The following CRACR2A variants were observed in gnomAD, a reference collection of about 807,000 sequenced individuals.
CRACR2A encodes EF-hand calcium-binding domain-containing protein 4B.
Under a neutral mutation model 90.5 loss-of-function variants are expected in CRACR2A, and 79 were observed. That is an observed-to-expected ratio of 0.87 (90% confidence interval 0.73 to 1.05). The LOEUF (loss-of-function observed/expected upper bound fraction) is 1.05, where lower values mean the gene tolerates loss of function less well. CRACR2A is among the 50% of genes least tolerant of loss of function. The pLI, the probability that CRACR2A is intolerant of heterozygous loss-of-function variation, is 0.00. For synonymous variants in CRACR2A, 338 were observed against 356.7 expected (o/e 0.95, Z 0.59); for missense variants, 823 against 897.2 (o/e 0.92, Z 1.06).
At chr12:3,735,917 C>T (rs1946443142) in intron 1 of CRACR2A, among the ~76,000 whole-genome samples, 1 of 152,122 alleles carries the variant, frequency 6.6e-6, no homozygotes, top group African/African-American at 2.4e-5. Context: ...ACACTATAAG[C>T]CTGTACTGAG....
At chr12:3,619,931 A>T (rs1944101417) in intron 17 of CRACR2A, among the ~76,000 whole-genome samples, 1 of 152,204 alleles carries the variant, frequency 6.6e-6, no homozygotes. Context: ...GGCTCCATAA[A>T]TGACTGCCAT....
At chr12:3,678,809 G>T in intron 6 of CRACR2A, 106 bp downstream of exon 6, 1 of 1,277,338 alleles carries the variant, frequency 7.8e-7, no homozygotes, top group Non-Finnish European at 1.1e-6. Context: ...GCATTCCAGT[G>T]CAGGGACCAG....
intron 1 of CRACR2A, among the ~76,000 whole-genome samples, chr12:3,749,795 TTGTGTGTGTG>T (rs200387314): frequency 0.036 from 5,192 of 144,624 alleles, 143 homozygotes; most frequent in African/African-American, 0.065. Flanking sequence ...TGCTGTTTCT[TTGTGTGTGTG>T]TGTGTGTGTG....
At chr12:3,690,110 C>T (rs532069201) in intron 4 of CRACR2A, among the ~76,000 whole-genome samples, 158 of 151,526 alleles carry the variant, frequency 1.0e-3, no homozygotes, top group African/African-American at 3.7e-3. Flanking sequence ...AAGAAAAAAC[C>T]TCCTGGATTC....
chr12:3,696,797 C>T lies in CRACR2A; in HGVS notation c.203G>A (p.Gly68Asp), dbSNP rs1458459244. The change falls in exon 4 of 20, where the codon GGC (glycine) becomes GAC (aspartate). Residue 68 changes from glycine to aspartate, a missense_variant. Coordinates refer to ENST00000440314, the MANE Select transcript of CRACR2A (RefSeq NM_001144958.2). ...FFQTCDAEGKGFIARKDMQRL... is the reference protein window; with the variant it reads ...FFQTCDAEGKDFIARKDMQRL... ...CTGCATATCCTTCCTGGCGATGAAG[C>T]CCTTGCCTTCAGCATCACAGGTCTG... 1.9e-6 allele frequency: 3 copies of T among 1,614,174 alleles called. No homozygotes were observed. The highest frequency in any genetic ancestry group is 1.1e-5 in the South Asian group (1 of 91,082).
rs752111531 is a variant in CRACR2A at position 3,659,553 on chromosome 12, C to T, written c.762+11G>A. The T allele has an allele frequency of 1.2e-5, 19 of 1,613,098 alleles. No homozygotes were observed. The highest frequency in any genetic ancestry group is 8.3e-5 in the Admixed American group (5 of 59,994). ...TGGCCTCAGAGCCAAGCCTGGGGAGCGTACACTTACCTTCAGGAGAAACTG... is the reference window on the plus strand; with the variant it reads ...TGGCCTCAGAGCCAAGCCTGGGGAGTGTACACTTACCTTCAGGAGAAACTG... On this transcript the variant is annotated intron_variant, in intron 8 of 19. Transcript: ENST00000440314.
intron 18 of CRACR2A, among the ~76,000 whole-genome samples, chr12:3,618,329 A>G (rs917534547): frequency 6.6e-6 from 1 of 152,204 alleles, no homozygotes; most frequent in African/African-American, 2.4e-5. Flanking sequence ...ATAATCAAAT[A>G]TATTACTATT....
intron 1 of CRACR2A, among the ~76,000 whole-genome samples, chr12:3,751,640 C>A (rs1032375743): frequency 4.6e-5 from 7 of 152,176 alleles, no homozygotes; most frequent in Non-Finnish European, 1.0e-4. Context: ...CCAGACCCAG[C>A]CTCCTATTCA....
At chr12:3,657,059 C>G (rs912306619) in intron 8 of CRACR2A, among the ~76,000 whole-genome samples, 1 of 152,238 alleles carries the variant, frequency 6.6e-6, no homozygotes, top group East Asian at 1.9e-4. Flanking sequence ...GGCTATGGGA[C>G]GAGGAGGAAA....
At chr12:3,636,438 A>G (rs1447760125) in intron 14 of CRACR2A, among the ~76,000 whole-genome samples, 1 of 152,190 alleles carries the variant, frequency 6.6e-6, no homozygotes, top group African/African-American at 2.4e-5. Context: ...CTCAGTGAGG[A>G]GGGCTGGACT....
intron 3 of CRACR2A, among the ~76,000 whole-genome samples, chr12:3,705,729 T>C (rs1945907179): frequency 1.3e-5 from 2 of 152,256 alleles, no homozygotes; most frequent in East Asian, 1.9e-4. Flanking sequence ...TAGTATCTGA[T>C]GTGAGTGCCG....
chr12:3,697,035 C>T lies in CRACR2A; in HGVS notation c.-36G>A, dbSNP rs772000072. 6.4e-7 allele frequency: 1 copy of T among 1,565,042 alleles called. No homozygotes were observed. The highest frequency in any genetic ancestry group is 1.2e-5 in the South Asian group (1 of 86,394). ...CAGTTTCTTGAAGTCTTTTTCAGAA[C>T]CTGAACATAGAAAATGGGAGAGAGA... On this transcript the variant is annotated splice_region_variant and 5_prime_UTR_variant, in exon 4 of 20. Coordinates refer to ENST00000440314, the MANE Select transcript of CRACR2A (RefSeq NM_001144958.2).
At chr12:3,631,131 C>T (rs1372655870) in intron 15 of CRACR2A, among the ~76,000 whole-genome samples, 1 of 152,124 alleles carries the variant, frequency 6.6e-6, no homozygotes, top group African/African-American at 2.4e-5. Context: ...CAGAGCAGGG[C>T]CTGCAGTGTG....
intron 13 of CRACR2A, among the ~76,000 whole-genome samples, chr12:3,639,651 TAGAA>T (rs1369467855): frequency 1.3e-5 from 2 of 151,250 alleles, no homozygotes; most frequent in Non-Finnish European, 2.9e-5. Flanking sequence ...AGATCAACAG[TAGAA>T]AGGAAAAAGA....
chr12:3,729,414 A>T (rs1946325310), intron 2 of CRACR2A: 1 of 152,208 alleles, frequency 6.6e-6, no homozygotes, highest in Non-Finnish European at 1.5e-5. Context: ...TTATTTAAAA[A>T]GACTTTGGGG....
intron 10 of CRACR2A, among the ~76,000 whole-genome samples, chr12:3,650,960 A>G (rs1190851330): frequency 6.6e-6 from 1 of 152,260 alleles, no homozygotes; most frequent in Non-Finnish European, 1.5e-5. Flanking sequence ...TGTGTCAACA[A>G]AAGAAAGGCA....
chr12:3,699,615 T>C (rs1211881140), intron 3 of CRACR2A, among the ~76,000 whole-genome samples: 1 of 152,242 alleles, frequency 6.6e-6, no homozygotes, highest in Non-Finnish European at 1.5e-5. Context: ...TGATGTTTGC[T>C]GGCTTTCTAA....
chr12:3,683,525 C>A (rs751420967), intron 4 of CRACR2A, among the ~76,000 whole-genome samples: 3 of 152,366 alleles, frequency 2.0e-5, no homozygotes, highest in Non-Finnish European at 2.9e-5. Flanking sequence ...ACCAGCCTCA[C>A]TCTTTCTTCA....
chr12:3,720,389 G>T (rs561948773), intron 2 of CRACR2A, among the ~76,000 whole-genome samples: 1 of 117,726 alleles, frequency 8.5e-6, no homozygotes, highest in African/African-American at 3.1e-5. Context: ...GGAAGGGGGA[G>T]GGGGGGAGGG....
Sources: allele counts gnomAD v4.1 joint callset (sites outside exome capture counted in the v4.1 genomes callset), GRCh38; gene constraint gnomAD v4.1.1; transcripts MANE v1.5; gene names NCBI Gene and HGNC (gene_info 2026-07-23, HGNC 2026-07-21).